Variants in DDAH1 observed in about 807,000 individuals in gnomAD.
DDAH1 encodes the protein dimethylarginine dimethylaminohydrolase 1, also known as N(G),N(G)-dimethylarginine dimethylaminohydrolase 1.
In DDAH1, 19 loss-of-function variants were observed where a neutral mutation model predicts 28.8. The ratio of observed to expected loss-of-function variants is 0.66; its 90% CI spans 0.46 to 0.97. DDAH1 has a LOEUF of 0.97. Ranked by LOEUF, DDAH1 falls within the 50% of genes least tolerant of loss-of-function variation. The pLI, the probability that DDAH1 is intolerant of heterozygous loss-of-function variation, is 0.00. For missense variants in DDAH1, 326 were observed against 375.9 expected, an observed-to-expected ratio of 0.87 and a Z score of 1.10; for synonymous variants, 153 against 154.4, an observed-to-expected ratio of 0.99 and a Z score of 0.07.
At chr1:85,556,685 G>A (rs1308643980) in intron 1 of DDAH1, among the ~76,000 whole-genome samples, 1 of 152,220 alleles carries the variant, frequency 6.6e-6, no homozygotes, top group African/African-American at 2.4e-5. Context: ...GTTTCTTTCA[G>A]AGTTTACATC....
At chr1:85,469,128 A>G (rs1655526510), upstream of DDAH1, among the ~76,000 whole-genome samples, 1 of 152,214 alleles carries the variant, frequency 6.6e-6, no homozygotes, top group Non-Finnish European at 1.5e-5. Flanking sequence ...AAATTCTGCC[A>G]CCCAGCTACA....
intron 1 of DDAH1, among the ~76,000 whole-genome samples, chr1:85,518,028 C>T (rs769433801): frequency 2.6e-5 from 4 of 152,126 alleles, no homozygotes; most frequent in East Asian, 1.9e-4. Context: ...CTCTAGCCTC[C>T]GTTGAAGAAA....
chr1:85,486,207 G>T (rs1656199527), intron 2 of DDAH1, among the ~76,000 whole-genome samples: 2 of 152,158 alleles, frequency 1.3e-5, no homozygotes, highest in African/African-American at 4.8e-5. Flanking sequence ...CAGGAGATAA[G>T]GATGAAAATC....
intron 1 of DDAH1, among the ~76,000 whole-genome samples, chr1:85,428,993 G>T (rs1371007563): frequency 6.6e-6 from 1 of 151,988 alleles, no homozygotes; most frequent in Non-Finnish European, 1.5e-5. Flanking sequence ...TGGCTGTGGG[G>T]ATAGGAGGCT....
At chr1:85,338,802 A>T (rs1239154828) in intron 4 of DDAH1, among the ~76,000 whole-genome samples, 1 of 151,860 alleles carries the variant, frequency 6.6e-6, no homozygotes, top group East Asian at 1.9e-4. Flanking sequence ...GCACTTTGGG[A>T]GGCAGAGATG....
At chr1:85,365,281 A>ACT (rs1650016240) in intron 1 of DDAH1, among the ~76,000 whole-genome samples, 1 of 152,200 alleles carries the variant, frequency 6.6e-6, no homozygotes, top group African/African-American at 2.4e-5. Flanking sequence ...TTAGGTATCT[A>ACT]CAATGAAATC....
intron 1 of DDAH1, among the ~76,000 whole-genome samples, chr1:85,510,600 G>A (rs555093783): frequency 1.1e-4 from 17 of 152,258 alleles, no homozygotes; most frequent in African/African-American, 2.9e-4. Context: ...GTATTCAGGA[G>A]ACCCATCTCA....
chr1:85,413,951 G>C (rs1652772349), intron 1 of DDAH1, among the ~76,000 whole-genome samples: 1 of 152,148 alleles, frequency 6.6e-6, no homozygotes, highest in Admixed American at 6.5e-5. Flanking sequence ...ACAGATTTTA[G>C]ATATTGTTTA....
At chr1:85,563,544 CA>C (rs75217326) in intron 1 of DDAH1, among the ~76,000 whole-genome samples, 11,219 of 152,138 alleles carry the variant, frequency 0.074, 468 homozygotes, top group East Asian at 0.15. Context: ...AAACAGTTTC[CA>C]AGTAACTGTG....
chr1:85,447,432 A>C (rs58736888), intron 1 of DDAH1, among the ~76,000 whole-genome samples: 58 of 152,322 alleles, frequency 3.8e-4, no homozygotes, highest in African/African-American at 1.3e-3. Context: ...GAAGCTTAAG[A>C]TAAACCAGAG....
In DDAH1 at chr1:85,336,855, G is replaced by A. The variant is rs185647910; in HGVS notation, c.598-11972C>T. ...TCTTCCTAACTCATTTCATGAGGCC[G>A]GGATTACCCTGATACCAAAACTAGA... On this transcript the variant is annotated intron_variant, in intron 4 of 5. Transcript: ENST00000284031. 1.9e-3 allele frequency among the ~76,000 whole-genome samples: 295 copies of A among 151,864 alleles called. 2 individuals carry two copies. Among genetic ancestry groups the A allele is most frequent in the African/African-American group, 6.7e-3 (278 of 41,436 alleles).
At chr1:85,391,643 T>C (rs984734641) in intron 1 of DDAH1, among the ~76,000 whole-genome samples, 1 of 152,184 alleles carries the variant, frequency 6.6e-6, no homozygotes, top group Non-Finnish European at 1.5e-5. Flanking sequence ...GCCTGGTCCA[T>C]TATGGAAAGC....
At chr1:85,430,907 G>T (rs1159862900) in intron 1 of DDAH1, among the ~76,000 whole-genome samples, 1 of 151,944 alleles carries the variant, frequency 6.6e-6, no homozygotes, top group Admixed American at 6.6e-5. Flanking sequence ...TGATTTCCCT[G>T]GCCAGAACTA....
At chr1:85,486,613 C>A (rs1309992447) in intron 2 of DDAH1, among the ~76,000 whole-genome samples, 1 of 152,094 alleles carries the variant, frequency 6.6e-6, no homozygotes, top group Non-Finnish European at 1.5e-5. Context: ...ATTGGAGATG[C>A]AAAATGAATA....
chr1:85,556,098 CCTCCTCCTT>C lies in DDAH1; in HGVS notation c.-123+21877_-123+21885del, dbSNP rs1199944402. Among the ~76,000 whole-genome samples the C allele has an allele frequency of 5.9e-5, 9 of 151,764 alleles. No individual in the cohort carries two copies. In the East Asian group the frequency reaches 1.7e-3, roughly 29 times the overall value. The stretch of plus-strand genomic sequence containing the variant: ...GCCGCCGCCTCCTCCTCCTCCTTCT[CCTCCTCCTT>C]CTCCTCCTCCTCCTCACCCTCCTTC... On this transcript the variant is annotated intron_variant, in intron 1 of 6. Transcript: ENST00000426972.
At chr1:85,444,823 GA>G (rs1339062996) in intron 1 of DDAH1, among the ~76,000 whole-genome samples, 1 of 151,774 alleles carries the variant, frequency 6.6e-6, no homozygotes, top group African/African-American at 2.4e-5. Context: ...AAAGTAGGGG[GA>G]TTAGTCAGGG....
At chr1:85,520,541 T>A (rs1657647704) in intron 1 of DDAH1, among the ~76,000 whole-genome samples, 1 of 152,336 alleles carries the variant, frequency 6.6e-6, no homozygotes, top group South Asian at 2.1e-4. Flanking sequence ...AAGTAGACAC[T>A]TATATGCAAA....
At position 85,350,593 on chromosome 1, in the gene DDAH1, TA is replaced by T. The variant is rs1649144464; in HGVS notation, c.478-60del. On this transcript the variant is annotated intron_variant, in intron 3 of 5. Transcript: ENST00000284031. ...ATTGCAGAATAATTCTAAAACTGAT[TA>T]AAAACCTCCCTGAAATACACCTACT... The T allele has an allele frequency of 3.6e-5, 57 of 1,564,288 alleles. 1 individual carries two copies. In the East Asian group the frequency reaches 1.3e-3, roughly 35 times the overall value.
At chr1:85,337,907 C>G (rs1429891773) in intron 4 of DDAH1, among the ~76,000 whole-genome samples, 2 of 152,244 alleles carry the variant, frequency 1.3e-5, no homozygotes, top group African/African-American at 4.8e-5. Flanking sequence ...CCAGTCCACA[C>G]TTTTGCATTA....
Sources: allele counts gnomAD v4.1 joint callset (sites outside exome capture counted in the v4.1 genomes callset), GRCh38; gene constraint gnomAD v4.1.1; transcripts MANE v1.5; gene names NCBI Gene and HGNC (gene_info 2026-07-23, HGNC 2026-07-21).